Variants in CDH18 observed in about 807,000 individuals in gnomAD.
The protein encoded by CDH18 is cadherin-18.
Under a neutral mutation model 67.9 loss-of-function variants are expected in CDH18, and 31 were observed. That is an observed-to-expected ratio of 0.46 (90% CI 0.34 to 0.62). CDH18 has a LOEUF of 0.62. Ranked by LOEUF, CDH18 falls within the 20% of genes least tolerant of loss-of-function variation. The probability of loss-of-function intolerance (pLI) is 0.01; values close to 1 mark genes in which losing one functional copy is unlikely to be tolerated. For missense variants in CDH18, 890 were observed against 975.5 expected (o/e 0.91, Z 1.17); for synonymous variants, 362 against 347.2 (o/e 1.04, Z -0.48).
At chr5:19,942,832 G>A (rs1393737726) in intron 2 of CDH18, among the ~76,000 whole-genome samples, 3 of 152,126 alleles carry the variant, frequency 2.0e-5, no homozygotes, top group Admixed American at 6.6e-5. Flanking sequence ...GAAATGCCCC[G>A]ACTCTCAGCA....
intron 2 of CDH18, among the ~76,000 whole-genome samples, chr5:20,159,624 C>G (rs929036248): frequency 6.6e-6 from 1 of 152,114 alleles, no homozygotes; most frequent in Non-Finnish European, 1.5e-5. Context: ...TTTCCCTCAT[C>G]AACCAAGATA....
chr5:20,405,648 G>T (rs1746178816), intron 1 of CDH18, among the ~76,000 whole-genome samples: 1 of 151,942 alleles, frequency 6.6e-6, no homozygotes, highest in Non-Finnish European at 1.5e-5. Context: ...GAGTGAACAG[G>T]CAACCTACAG....
chr5:19,577,795 T>A (rs1580307981), intron 7 of CDH18, among the ~76,000 whole-genome samples: 1 of 152,194 alleles, frequency 6.6e-6, no homozygotes, highest in African/African-American at 2.4e-5. Context: ...ACGGCAACCC[T>A]GCAACAAATA....
chr5:19,597,774 C>A (rs1252581168), intron 6 of CDH18, among the ~76,000 whole-genome samples: 2 of 152,236 alleles, frequency 1.3e-5, no homozygotes, highest in East Asian at 3.9e-4. Context: ...AGCTCATCTT[C>A]CCAGAACCAT....
chr5:20,423,244 G>T (rs1334146095), intron 1 of CDH18, among the ~76,000 whole-genome samples: 1 of 151,268 alleles, frequency 6.6e-6, no homozygotes, highest in Non-Finnish European at 1.5e-5. Context: ...AAAGCTCAAT[G>T]CCTTTTAGGA....
At chr5:20,070,977 G>A (rs578008457) in intron 2 of CDH18, among the ~76,000 whole-genome samples, 1 of 152,124 alleles carries the variant, frequency 6.6e-6, no homozygotes, top group South Asian at 2.1e-4. Context: ...TAAAATCTGA[G>A]GTGAAAAAAT....
chr5:20,278,620 G>A (rs961172930), intron 1 of CDH18, among the ~76,000 whole-genome samples: 3 of 152,140 alleles, frequency 2.0e-5, no homozygotes, highest in Admixed American at 6.6e-5. Flanking sequence ...TGATAATATT[G>A]TAATTGTGGT....
rs533296321 is a variant in CDH18, at chr5:19,820,261, C to T, written c.228+18498G>A. ...TTTCTCCCTAAGGCAGCCCTAGAGC[C>T]CAGAACACCCAGAGTGACCTAGCAA... is the stretch of plus-strand genomic sequence containing the variant. On this transcript the variant is annotated intron_variant, in intron 3 of 12. Transcript: ENST00000382275. Among the ~76,000 whole-genome samples, 95 of 152,196 alleles carry T rather than the reference C, an allele frequency of 6.2e-4. 2 individuals carry two copies. The South Asian group carries it at 0.019, about 31-fold the overall frequency.
intron 1 of CDH18, among the ~76,000 whole-genome samples, chr5:20,517,472 T>C (rs540640597): frequency 5.4e-4 from 82 of 151,878 alleles, no homozygotes; most frequent in Non-Finnish European, 8.4e-4. Context: ...AATTAAAATA[T>C]TACTTAATTT....
At chr5:20,391,320 T>C (rs4242069) in intron 1 of CDH18, among the ~76,000 whole-genome samples, 29,073 of 151,682 alleles carry the variant, frequency 0.19, 3,044 homozygotes, top group African/African-American at 0.26. Flanking sequence ...TCATAAATCC[T>C]GCATCAGTAG....
chr5:20,465,839 G>A (rs759469262), intron 1 of CDH18, among the ~76,000 whole-genome samples: 1 of 152,040 alleles, frequency 6.6e-6, no homozygotes, highest in East Asian at 1.9e-4. Flanking sequence ...TCATCGCAAC[G>A]CTCTGTAAGA....
At position 20,274,015 on chromosome 5, in the gene CDH18, A is replaced by C. The variant is rs28405094; in HGVS notation, c.-579-18510T>G. ...CGGAAGAGAAGAGGGATACAGGTGG[A>C]GAAACGGAGACAAAACATTATGCAA... On this transcript the variant is annotated intron_variant, in intron 1 of 14. Transcript: ENST00000507958. Among the ~76,000 whole-genome samples, 377 of 152,276 alleles carry C rather than the reference A, an allele frequency of 2.5e-3. 1 individual carries two copies. Among genetic ancestry groups the C allele is most frequent in the African/African-American group, 7.9e-3 (328 of 41,562 alleles).
At chr5:20,298,357 C>G (rs1307405806) in intron 1 of CDH18, among the ~76,000 whole-genome samples, 1 of 152,100 alleles carries the variant, frequency 6.6e-6, no homozygotes, top group Non-Finnish European at 1.5e-5. Flanking sequence ...GAAGAAACCC[C>G]AACTTAATTT....
At chr5:20,099,985 C>A (rs1580240583) in intron 2 of CDH18, among the ~76,000 whole-genome samples, 1 of 152,012 alleles carries the variant, frequency 6.6e-6, no homozygotes, top group Non-Finnish European at 1.5e-5. Flanking sequence ...AGGGTTTCAC[C>A]ATGTTGGCCA....
chr5:20,356,376 C>A (rs955711937), intron 1 of CDH18, among the ~76,000 whole-genome samples: 17 of 152,080 alleles, frequency 1.1e-4, no homozygotes, highest in African/African-American at 3.9e-4. Context: ...GAGCAAGACT[C>A]CATCTCAAAC....
At chr5:20,148,079 C>A (rs893051046) in intron 2 of CDH18, among the ~76,000 whole-genome samples, 10 of 150,184 alleles carry the variant, frequency 6.7e-5, no homozygotes, top group Admixed American at 1.3e-4. Flanking sequence ...ACAATAGTGT[C>A]TTTTGTTTTG....
At chr5:19,481,088 T>C (rs112015161) in intron 12 of CDH18, among the ~76,000 whole-genome samples, 57 of 152,260 alleles carry the variant, frequency 3.7e-4, no homozygotes, top group Non-Finnish European at 7.5e-4. Flanking sequence ...GATACCCTCT[T>C]TTCCCTCAAC....
In CDH18 at chr5:20,316,427, C is replaced by T. The variant is rs954342915; in HGVS notation, c.-579-60922G>A. On this transcript the variant is annotated intron_variant, in intron 1 of 14. Coordinates refer to the CDH18 transcript ENST00000507958. ...TTCTAATATTATTGTATTCAGATTACTCCAGTCCTGGCTAGTGATGATCTT... is the reference window on the plus strand; with the variant it reads ...TTCTAATATTATTGTATTCAGATTATTCCAGTCCTGGCTAGTGATGATCTT... Among the ~76,000 whole-genome samples the T allele has an allele frequency of 5.9e-5, 9 of 152,178 alleles. No individual in the cohort carries two copies. In the East Asian group the frequency reaches 1.7e-3, roughly 29 times the overall value.
chr5:19,830,265 G>A (rs1255562277), intron 3 of CDH18, among the ~76,000 whole-genome samples: 2 of 152,062 alleles, frequency 1.3e-5, no homozygotes, highest in Admixed American at 6.6e-5. Context: ...TTATGCAATG[G>A]GAGAAAATAT....
Sources: allele counts gnomAD v4.1 joint callset (sites outside exome capture counted in the v4.1 genomes callset), GRCh38; gene constraint gnomAD v4.1.1; transcripts MANE v1.5; gene names NCBI Gene and HGNC (gene_info 2026-07-23, HGNC 2026-07-21).